The following SIK2 variants were observed in gnomAD, a reference collection of about 807,000 sequenced individuals.
SIK2 encodes the protein serine/threonine-protein kinase SIK2.
SIK2 carries 29 observed loss-of-function variants against 103.2 expected under a neutral mutation model. The ratio of observed to expected loss-of-function variants is 0.28; its 90% CI spans 0.21 to 0.38. The LOEUF is 0.38. Ranked by LOEUF, SIK2 falls within the 10% of genes least tolerant of loss-of-function variation. SIK2 has a pLI of 1.00. For missense variants in SIK2, 879 were observed against 1,171.0 expected (o/e 0.75, Z 3.64); for synonymous variants, 412 against 446.1 (o/e 0.92, Z 0.96).
rs1200019542 is a variant in SIK2 at position 111,723,868 on chromosome 11, C to T, written c.2520C>T (p.Ala840=). Residue 840 remains alanine (A), a synonymous_variant, in exon 15 of 15, where the codon GCC becomes GCT. Coordinates refer to ENST00000304987, the MANE Select transcript of SIK2 (RefSeq NM_015191.3). ...PPPRQPGAAP[A]PLQFSYQTCE... ...CACGACAGCCAGGAGCTGCCCCAGCCCCCTTACAGTTCTCCTATCAGACTT... is the reference window on the plus strand; with the variant it reads ...CACGACAGCCAGGAGCTGCCCCAGCTCCCTTACAGTTCTCCTATCAGACTT... 1.1e-5 allele frequency: 17 copies of T among 1,613,706 alleles called. No individual in the cohort carries two copies. Among genetic ancestry groups the T allele is most frequent in the Non-Finnish European group, 1.4e-5 (16 of 1,179,876 alleles).
At chr11:111,704,694 A>G (rs1233250340) in intron 7 of SIK2, among the ~76,000 whole-genome samples, 2 of 152,210 alleles carry the variant, frequency 1.3e-5, no homozygotes, top group East Asian at 1.9e-4. Context: ...GGGAATGTCT[A>G]CATGAGACAA....
intron 1 of SIK2, among the ~76,000 whole-genome samples, chr11:111,611,248 C>A (rs1591586044): frequency 7.0e-6 from 1 of 143,182 alleles, no homozygotes. Context: ...GACCCTGTCT[C>A]AAAAAAAAAA....
chr11:111,678,705 A>G (rs1942738557), intron 3 of SIK2, among the ~76,000 whole-genome samples: 1 of 152,200 alleles, frequency 6.6e-6, no homozygotes, highest in South Asian at 2.1e-4. Flanking sequence ...TTTCTTGCTA[A>G]TGTACATTTT....
chr11:111,676,315 A>G (rs1057350724), intron 3 of SIK2, among the ~76,000 whole-genome samples: 3 of 152,162 alleles, frequency 2.0e-5, no homozygotes, highest in Non-Finnish European at 2.9e-5. Context: ...ATTCTGTTTT[A>G]TCTTCTTTGA....
rs1292917808 is a variant in SIK2 at position 111,729,146 on chromosome 11, T to C, written c.*5017T>C. ...CTCTCACATTCTTATTTTACCATTT[T>C]TGTCCTAATTAAGGTAGCCTAGCTG... On this transcript the variant is annotated 3_prime_UTR_variant, in exon 15 of 15. Transcript: ENST00000304987. 2 of 152,238 alleles carry C rather than the reference T, an allele frequency of 1.3e-5. No individual in the cohort carries two copies. Among genetic ancestry groups the C allele is most frequent in the Admixed American group, 1.3e-4 (2 of 15,280 alleles). 9.4% of individuals were successfully genotyped at this position (152,238 alleles called of 1,614,324 possible).
chr11:111,658,779 G>C (rs961862252), intron 3 of SIK2, among the ~76,000 whole-genome samples: 12 of 151,964 alleles, frequency 7.9e-5, no homozygotes, highest in Non-Finnish European at 1.3e-4. Flanking sequence ...GGAGATACTA[G>C]AGCCATAGTG....
intron 1 of SIK2, among the ~76,000 whole-genome samples, chr11:111,608,395 T>C (rs948169478): frequency 3.9e-5 from 6 of 152,222 alleles, no homozygotes; most frequent in East Asian, 1.9e-4. Flanking sequence ...CCCCCAGTTA[T>C]AGAAGTCAAT....
intron 1 of SIK2, among the ~76,000 whole-genome samples, chr11:111,614,476 A>T (rs149940873): frequency 0.014 from 2,163 of 152,346 alleles, 25 homozygotes; most frequent in Admixed American, 0.028. Context: ...TGTATGTTAC[A>T]TGCATTATAT....
chr11:111,697,442 A>G (rs562752149), intron 4 of SIK2, among the ~76,000 whole-genome samples: 1 of 152,318 alleles, frequency 6.6e-6, no homozygotes, highest in East Asian at 1.9e-4. Context: ...TAAGTAAAAT[A>G]ATAAATAATA....
intron 4 of SIK2, among the ~76,000 whole-genome samples, chr11:111,691,399 T>G (rs893850168): frequency 6.6e-6 from 1 of 152,186 alleles, no homozygotes; most frequent in Non-Finnish European, 1.5e-5. Flanking sequence ...GGGAGCCGCT[T>G]AGCTATTGCC....
At chr11:111,662,617 C>T (rs1266502035) in intron 3 of SIK2, among the ~76,000 whole-genome samples, 1 of 152,110 alleles carries the variant, frequency 6.6e-6, no homozygotes, top group Non-Finnish European at 1.5e-5. Context: ...TGGCTCACGC[C>T]TGTAATCCCA....
Position 111,723,959 on chromosome 11 carries a change from G to A in SIK2, c.2611G>A (p.Gly871Arg). ...YPTPCQYPVD[G>R]AQQSDLTGPD... ...CACTCCCTGTCAGTATCCTGTGGAT[G>A]GAGCCCAGCAGAGCGACCTAACGGG... The change falls in exon 15 of 15, where the codon GGA becomes AGA. Residue 871 changes from glycine (G) to arginine (R), a missense_variant. By Grantham distance (125) the Gly-to-Arg change is moderately radical (BLOSUM62 -2). Around this residue, in one of 7 missense-constraint regions of SIK2, gnomAD observed 375 missense variants for 416.3 expected, o/e 0.90. Coordinates refer to ENST00000304987, the MANE Select transcript of SIK2 (RefSeq NM_015191.3). 6.2e-7 allele frequency: 1 copy of A among 1,614,106 alleles called. No individual in the cohort carries two copies. Among genetic ancestry groups the A allele is most frequent in the South Asian group, 1.1e-5 (1 of 91,072 alleles).
At chr11:111,659,363 C>T (rs1293509327) in intron 3 of SIK2, among the ~76,000 whole-genome samples, 3 of 152,124 alleles carry the variant, frequency 2.0e-5, no homozygotes, top group African/African-American at 7.2e-5. Context: ...AGAACACACA[C>T]GCAACCCAAC....
intron 3 of SIK2, among the ~76,000 whole-genome samples, chr11:111,639,301 C>T (rs1179880238): frequency 6.6e-6 from 1 of 151,990 alleles, no homozygotes; most frequent in Non-Finnish European, 1.5e-5. Context: ...CTGCATAGTC[C>T]CTCTTCTCCA....
At chr11:111,631,125 A>T (rs531368323) in intron 3 of SIK2, among the ~76,000 whole-genome samples, 1 of 152,334 alleles carries the variant, frequency 6.6e-6, no homozygotes, top group East Asian at 1.9e-4. Flanking sequence ...GCATTGGTGC[A>T]GTTACAATGA....
At chr11:111,607,954 T>G (rs1251932820) in intron 1 of SIK2, among the ~76,000 whole-genome samples, 1 of 152,190 alleles carries the variant, frequency 6.6e-6, no homozygotes, top group Non-Finnish European at 1.5e-5. Context: ...TAACTGAAAC[T>G]GGCCTATCTT....
At chr11:111,685,093 T>C (rs1404353543) in intron 3 of SIK2, among the ~76,000 whole-genome samples, 1 of 152,204 alleles carries the variant, frequency 6.6e-6, no homozygotes, top group Non-Finnish European at 1.5e-5. Context: ...CAAAACACTA[T>C]GTGTTAGAGC....
Position 111,726,875 on chromosome 11 carries a change from G to T in SIK2, c.*2746G>T. ...CAGGCTCCTCTGAAGAGACTTTGGT[G>T]AGATGAACGTGAGGTAAAAATTTCG... On this transcript the variant is annotated 3_prime_UTR_variant, in exon 15 of 15. Transcript: ENST00000304987. 8.4e-7 allele frequency: 1 copy of T among 1,183,940 alleles called. No homozygotes were observed. Among genetic ancestry groups the T allele is most frequent in the Non-Finnish European group, 1.2e-6 (1 of 811,476 alleles). The allele number at this position is 1,183,940 out of a possible 1,614,324, so 73.3% of individuals were successfully genotyped here.
intron 3 of SIK2, among the ~76,000 whole-genome samples, chr11:111,626,115 A>G (rs575884514): frequency 1.8e-4 from 27 of 152,354 alleles, no homozygotes; most frequent in East Asian, 1.2e-3. Flanking sequence ...TCTGGAAAGA[A>G]GAATCTGATG....
Sources: gnomAD v4.1 joint callset for allele counts (sites outside exome capture counted in the v4.1 genomes callset) on GRCh38, gnomAD v4.1.1 for gene constraint, gnomAD v4.1.1 regional missense constraint, MANE v1.5 for transcripts, NCBI Gene and HGNC (gene_info 2026-07-23, HGNC 2026-07-21) for gene names.